The following TLL1 variants were observed in gnomAD, a reference collection of about 807,000 sequenced individuals.
The protein encoded by TLL1 is tolloid-like protein 1.
Under a neutral mutation model 128.2 loss-of-function variants are expected in TLL1, and 49 were observed. The ratio of observed to expected loss-of-function variants is 0.38; its 90% CI spans 0.30 to 0.48. TLL1 has a LOEUF of 0.48. Among genes scored for constraint, TLL1 ranks in the 20% least tolerant of loss-of-function variants. The pLI is 0.96. For missense variants in TLL1, 1,123 were observed against 1,242.0 expected (o/e 0.90, Z 1.44); for synonymous variants, 454 against 418.8 (o/e 1.08, Z -1.03).
At chr4:166,080,903 T>G (rs535626168) in intron 18 of TLL1, among the ~76,000 whole-genome samples, 1 of 152,222 alleles carries the variant, frequency 6.6e-6, no homozygotes, top group Non-Finnish European at 1.5e-5. Context: ...CACCCTTTTT[T>G]GTCTTTATCA....
At chr4:165,930,871 T>C (rs912411796) in intron 1 of TLL1, among the ~76,000 whole-genome samples, 21 of 152,196 alleles carry the variant, frequency 1.4e-4, no homozygotes, top group Non-Finnish European at 2.6e-4. Context: ...AAAAAACATA[T>C]GCATATATGT....
chr4:165,898,168 T>A (rs554813497), intron 1 of TLL1, among the ~76,000 whole-genome samples: 1 of 152,338 alleles, frequency 6.6e-6, no homozygotes, highest in Non-Finnish European at 1.5e-5. Context: ...AGTCATGTCA[T>A]CTGCAAACAG....
chr4:165,951,209 A>G (rs1238610547), intron 1 of TLL1, among the ~76,000 whole-genome samples: 1 of 152,122 alleles, frequency 6.6e-6, no homozygotes, highest in Non-Finnish European at 1.5e-5. Flanking sequence ...AGAAATGATA[A>G]CCTGAATAGC....
chr4:166,077,742 A>G (rs1741098867), intron 17 of TLL1, among the ~76,000 whole-genome samples, 161 bp from the exon 18 acceptor site: 1 of 152,152 alleles, frequency 6.6e-6, no homozygotes, highest in African/African-American at 2.4e-5. Flanking sequence ...TCAGCAACGT[A>G]TTTTCCAGAG....
chr4:166,097,017 A>T (rs1299693310), intron 19 of TLL1, among the ~76,000 whole-genome samples: 1 of 152,112 alleles, frequency 6.6e-6, no homozygotes, highest in Non-Finnish European at 1.5e-5. Context: ...GCTTAAATTT[A>T]TATGGGTTTT....
chr4:166,027,285 G>T (rs1317573142), intron 9 of TLL1, among the ~76,000 whole-genome samples: 2 of 152,056 alleles, frequency 1.3e-5, no homozygotes, highest in Middle Eastern at 3.2e-3. Flanking sequence ...CGACCTATGG[G>T]TAGTTTGTAC....
intron 1 of TLL1, among the ~76,000 whole-genome samples, chr4:165,924,033 T>A (rs769739757): frequency 9.2e-5 from 14 of 152,148 alleles, no homozygotes; most frequent in Non-Finnish European, 1.8e-4. Context: ...GTTGTGTGTG[T>A]CTTCTGACTG....
chr4:165,917,050 G>A (rs1199118673), intron 1 of TLL1, among the ~76,000 whole-genome samples: 2 of 152,032 alleles, frequency 1.3e-5, no homozygotes, highest in Admixed American at 6.5e-5. Flanking sequence ...TCTATATTAT[G>A]TAGTATTTAC....
intron 4 of TLL1, 149 bp downstream of exon 4, chr4:165,994,682 A>G: frequency 1.1e-6 from 1 of 919,362 alleles, no homozygotes; most frequent in African/African-American, 1.7e-5. Context: ...ATTAGTGTAG[A>G]GTGTCTTTGA....
chr4:166,060,676 T>A (rs1198840962), intron 15 of TLL1, among the ~76,000 whole-genome samples: 2 of 152,204 alleles, frequency 1.3e-5, no homozygotes, highest in Non-Finnish European at 2.9e-5. Context: ...GTAAAAGATG[T>A]ATTTAAAGCT....
At chr4:166,095,994 A>G (rs1464543934) in intron 19 of TLL1, among the ~76,000 whole-genome samples, 1 of 152,134 alleles carries the variant, frequency 6.6e-6, no homozygotes. Context: ...TAAATGACCT[A>G]TTGACCATTG....
intron 1 of TLL1, among the ~76,000 whole-genome samples, chr4:165,976,044 A>AAAAG: frequency 6.6e-6 from 1 of 150,546 alleles, no homozygotes; most frequent in Admixed American, 6.6e-5. Flanking sequence ...CAAAAAAAAA[A>AAAAG]AAAAAAAAAA....
At chr4:165,935,879 A>T (rs28612479) in intron 1 of TLL1, among the ~76,000 whole-genome samples, 33,618 of 151,994 alleles carry the variant, frequency 0.22, 6,204 homozygotes, top group African/African-American at 0.51. Flanking sequence ...CTGACTTGGA[A>T]ACTTATAATG....
intron 1 of TLL1, among the ~76,000 whole-genome samples, chr4:165,973,961 C>T (rs1270143732): frequency 6.6e-6 from 1 of 151,516 alleles, no homozygotes; most frequent in Non-Finnish European, 1.5e-5. Context: ...CCACTGTGCC[C>T]AACCAGCGTT....
intron 9 of TLL1, among the ~76,000 whole-genome samples, chr4:166,026,596 A>G (rs1370975788): frequency 6.6e-6 from 1 of 152,186 alleles, no homozygotes; most frequent in Non-Finnish European, 1.5e-5. Context: ...ATGAGGCAGG[A>G]TAATTGCTTG....
chr4:165,891,588 TC>T (rs1200824623), intron 1 of TLL1, among the ~76,000 whole-genome samples: 1 of 152,164 alleles, frequency 6.6e-6, no homozygotes, highest in Non-Finnish European at 1.5e-5. Flanking sequence ...GCCACCAGCC[TC>T]CTTGTTATAG....
At chr4:165,964,725 G>C (rs1735284733) in intron 1 of TLL1, among the ~76,000 whole-genome samples, 1 of 152,080 alleles carries the variant, frequency 6.6e-6, no homozygotes, top group South Asian at 2.1e-4. Flanking sequence ...GAGCCGGGAG[G>C]ACAGGAGCCT....
intron 1 of TLL1, among the ~76,000 whole-genome samples, chr4:165,913,236 TA>T (rs1302503631): frequency 6.6e-6 from 1 of 152,220 alleles, no homozygotes; most frequent in East Asian, 1.9e-4. Context: ...AATGAATCTT[TA>T]ATACATGTCT....
chr4:165,900,685 A>T (rs1731944376), intron 1 of TLL1, among the ~76,000 whole-genome samples: 1 of 152,096 alleles, frequency 6.6e-6, no homozygotes. Context: ...CCGTCATTTC[A>T]ACCTTGGTAA....
Sources: gnomAD v4.1 joint callset for allele counts (sites outside exome capture counted in the v4.1 genomes callset) on GRCh38, gnomAD v4.1.1 for gene constraint, MANE v1.5 for transcripts, NCBI Gene and HGNC (gene_info 2026-07-23, HGNC 2026-07-21) for gene names.